The following ADGRB3 variants were observed in gnomAD, a reference collection of about 807,000 sequenced individuals.
The protein encoded by ADGRB3 is adhesion G protein-coupled receptor B3.
In ADGRB3, 37 loss-of-function variants were observed where a neutral mutation model predicts 193.4. The observed-to-expected ratio is 0.19, with a 90% CI of 0.15 to 0.25. The LOEUF (loss-of-function observed/expected upper bound fraction) is 0.25, where lower values mean the gene tolerates loss of function less well. Among genes scored for constraint, ADGRB3 ranks in the 10% least tolerant of loss-of-function variants. The pLI, the probability that ADGRB3 is intolerant of heterozygous loss-of-function variation, is 1.00. For missense variants in ADGRB3, 1,637 were observed against 1,852.9 expected, an observed-to-expected ratio of 0.88 and a Z score of 2.14; for synonymous variants, 690 against 644.2, an observed-to-expected ratio of 1.07 and a Z score of -1.08.
At chr6:69,070,548 G>A (rs1772049774) in intron 16 of ADGRB3, among the ~76,000 whole-genome samples, 1 of 152,120 alleles carries the variant, frequency 6.6e-6, no homozygotes, top group South Asian at 2.1e-4. Flanking sequence ...CAAAATTACT[G>A]AGTAGGTTTA....
intron 27 of ADGRB3, among the ~76,000 whole-genome samples, chr6:69,355,433 A>T (rs1769317772): frequency 1.3e-5 from 2 of 152,178 alleles, no homozygotes; most frequent in Admixed American, 1.3e-4. Flanking sequence ...TTCAAATTGA[A>T]TGTTTAAAAA....
At chr6:68,956,834 A>T in intron 8 of ADGRB3, 25 bp downstream of exon 8, 1 of 1,592,836 alleles carries the variant, frequency 6.3e-7, no homozygotes, top group Non-Finnish European at 8.6e-7. Context: ...AAATTATCCC[A>T]AAAGAAACAT....
intron 20 of ADGRB3, among the ~76,000 whole-genome samples, chr6:69,271,630 A>C (rs2127279476): frequency 6.6e-6 from 1 of 152,306 alleles, no homozygotes; most frequent in South Asian, 2.1e-4. Flanking sequence ...CTCATTTAAA[A>C]CATATTGTCT....
chr6:69,232,269 ATTT>A (rs5877202), intron 17 of ADGRB3: 347 of 415,732 alleles, frequency 8.3e-4, no homozygotes, highest in African/African-American at 6.5e-3. Flanking sequence ...GCTCTATAGC[ATTT>A]TTTTTTTTTC....
intron 3 of ADGRB3, among the ~76,000 whole-genome samples, chr6:68,680,856 G>A (rs1271237225): frequency 6.6e-6 from 1 of 152,152 alleles, no homozygotes; most frequent in Non-Finnish European, 1.5e-5. Context: ...TGTCATAAAT[G>A]TACTTAACTA....
chr6:69,042,752 G>C (rs1042631103), intron 13 of ADGRB3, among the ~76,000 whole-genome samples: 1 of 152,050 alleles, frequency 6.6e-6, no homozygotes, highest in Non-Finnish European at 1.5e-5. Flanking sequence ...TTTGATAACT[G>C]GGCAATTTTC....
intron 13 of ADGRB3, among the ~76,000 whole-genome samples, chr6:69,031,585 T>TCC (rs1770708988): frequency 9.0e-6 from 1 of 110,876 alleles, no homozygotes; most frequent in African/African-American, 3.4e-5. Context: ...TGTCTCTGTC[T>TCC]CTCTTTCTTT....
chr6:69,233,278 T>C lies in ADGRB3; in HGVS notation c.2481-12T>C, dbSNP rs1211967114. Reference sequence around the variant, plus strand: ...TTATCCCGATTTCCTCCCCCCTCACTCCCCTTTGCAGGAACGAGTCTTTGG... The same window carrying C: ...TTATCCCGATTTCCTCCCCCCTCACCCCCCTTTGCAGGAACGAGTCTTTGG... On this transcript the variant is annotated splice_polypyrimidine_tract_variant and intron_variant, in intron 17 of 31. Coordinates refer to ENST00000370598, the MANE Select transcript of ADGRB3 (RefSeq NM_001704.3). 2.5e-6 allele frequency: 4 copies of C among 1,612,140 alleles called. No homozygotes were observed. Among genetic ancestry groups the C allele is most frequent in the African/African-American group, 2.7e-5 (2 of 74,728 alleles).
intron 5 of ADGRB3, among the ~76,000 whole-genome samples, chr6:68,936,949 A>T (rs1434964859): frequency 6.6e-6 from 1 of 152,204 alleles, no homozygotes; most frequent in Non-Finnish European, 1.5e-5. Flanking sequence ...TTTAAGGTTC[A>T]ATTATCTTTC....
At chr6:69,300,702 T>C (rs1331456978) in intron 20 of ADGRB3, among the ~76,000 whole-genome samples, 1 of 151,804 alleles carries the variant, frequency 6.6e-6, no homozygotes, top group Non-Finnish European at 1.5e-5. Context: ...GCTGAGAATG[T>C]AATACAATTT....
intron 3 of ADGRB3, among the ~76,000 whole-genome samples, chr6:68,825,048 C>T (rs578217568): frequency 2.6e-5 from 4 of 152,052 alleles, no homozygotes; most frequent in South Asian, 2.1e-4. Flanking sequence ...TTAGTAGAGA[C>T]GGGGTTTCAC....
chr6:68,749,218 G>T (rs1225176543), intron 3 of ADGRB3, among the ~76,000 whole-genome samples: 1 of 152,158 alleles, frequency 6.6e-6, no homozygotes, highest in Non-Finnish European at 1.5e-5. Flanking sequence ...GCAAATTTCT[G>T]CAGCCAGCTT....
At chr6:69,109,541 A>G (rs1388578862) in intron 17 of ADGRB3, among the ~76,000 whole-genome samples, 1 of 152,252 alleles carries the variant, frequency 6.6e-6, no homozygotes, top group East Asian at 1.9e-4. Context: ...TTTAACTCAA[A>G]TTATGAGGTA....
At chr6:69,164,648 G>GCCAC (rs1775085618) in intron 17 of ADGRB3, among the ~76,000 whole-genome samples, 2 of 152,032 alleles carry the variant, frequency 1.3e-5, no homozygotes, top group South Asian at 4.1e-4. Flanking sequence ...CTCATAAGAG[G>GCCAC]CCACCAGGCA....
At chr6:69,182,363 A>G (rs1287154112) in intron 17 of ADGRB3, among the ~76,000 whole-genome samples, 2 of 151,768 alleles carry the variant, frequency 1.3e-5, no homozygotes, top group East Asian at 1.9e-4. Context: ...CCAGAAACCT[A>G]TGGAAGTAAA....
chr6:69,295,254 T>C (rs760360154), intron 20 of ADGRB3, among the ~76,000 whole-genome samples: 22 of 152,158 alleles, frequency 1.4e-4, no homozygotes, highest in South Asian at 1.2e-3. Flanking sequence ...GATCAAAAGT[T>C]GCTGTATTTT....
At chr6:69,047,812 T>C (rs2150301646) in intron 13 of ADGRB3, among the ~76,000 whole-genome samples, 1 of 152,292 alleles carries the variant, frequency 6.6e-6, no homozygotes, top group Non-Finnish European at 1.5e-5. Flanking sequence ...CAAATTTCAA[T>C]CCATTAGTTC....
chr6:69,194,195 G>A (rs1291700200), intron 17 of ADGRB3, among the ~76,000 whole-genome samples: 1 of 151,976 alleles, frequency 6.6e-6, no homozygotes, highest in Non-Finnish European at 1.5e-5. Flanking sequence ...AGATGCTGAA[G>A]GAAACCTTAC....
intron 3 of ADGRB3, among the ~76,000 whole-genome samples, chr6:68,832,972 C>CT (rs967125768): frequency 1.1e-4 from 16 of 152,256 alleles, no homozygotes; most frequent in African/African-American, 2.9e-4. Flanking sequence ...CATCTGCCCA[C>CT]TGTGTACTTT....
Sources: allele counts gnomAD v4.1 joint callset (sites outside exome capture counted in the v4.1 genomes callset), GRCh38; gene constraint gnomAD v4.1.1; transcripts MANE v1.5; gene names NCBI Gene and HGNC (gene_info 2026-07-23, HGNC 2026-07-21).